PRKN: variants seen among roughly 807,000 people sequenced by gnomAD.
PRKN encodes parkin RBR E3 ubiquitin protein ligase.
In PRKN, 56 loss-of-function variants were observed where a neutral mutation model predicts 59.5. The observed-to-expected ratio is 0.94, with a 90% CI of 0.76 to 1.18. The LOEUF is 1.18. Ranked by LOEUF, PRKN falls within the 50% of genes most tolerant of loss-of-function variation. The pLI, the probability that PRKN is intolerant of heterozygous loss-of-function variation, is 0.00. For missense variants in PRKN, 657 were observed against 596.4 expected, an observed-to-expected ratio of 1.10 and a Z score of -1.06; for synonymous variants, 250 against 222.1, an observed-to-expected ratio of 1.13 and a Z score of -1.12.
intron 7 of PRKN, among the ~76,000 whole-genome samples, chr6:161,730,343 A>G (rs954684812): frequency 1.8e-4 from 27 of 149,948 alleles, no homozygotes; most frequent in Admixed American, 7.9e-4. Context: ...GAAGTGTTGC[A>G]TTCTTTCTGA....
rs529532716 is a variant in PRKN, at chr6:161,927,099, G to GA, written c.734+46202dup. Among the ~76,000 whole-genome samples the GA allele has an allele frequency of 8.7e-5, 13 of 150,186 alleles. No individual in the cohort carries two copies. In the South Asian group the frequency reaches 1.3e-3, roughly 15 times the overall value. On this transcript the variant is annotated intron_variant, in intron 6 of 11. Coordinates refer to ENST00000366898, the MANE Select transcript of PRKN (RefSeq NM_004562.3). ...GGGAGAAGATACTATACACTAAAAT[G>GA]AAAAAAAAATACACATACACATGGG...
intron 5 of PRKN, among the ~76,000 whole-genome samples, chr6:162,037,097 G>A (rs1422687277): frequency 6.6e-6 from 1 of 152,122 alleles, no homozygotes; most frequent in East Asian, 1.9e-4. Flanking sequence ...GTACCTTTTG[G>A]AACTAAGGAC....
intron 7 of PRKN, among the ~76,000 whole-genome samples, chr6:161,632,695 T>C (rs1209531469): frequency 6.6e-6 from 1 of 152,172 alleles, no homozygotes; most frequent in Admixed American, 6.5e-5. Context: ...TTATTCACAG[T>C]TCCACAGCTC....
chr6:162,414,572 A>T (rs144709461), intron 2 of PRKN, among the ~76,000 whole-genome samples: 2 of 151,054 alleles, frequency 1.3e-5, no homozygotes, highest in African/African-American at 4.9e-5. Flanking sequence ...TTAGCCGCGC[A>T]TGGTTGGTGG....
intron 7 of PRKN, among the ~76,000 whole-genome samples, chr6:161,679,828 C>T (rs991968127): frequency 7.3e-6 from 1 of 137,772 alleles, no homozygotes; most frequent in African/African-American, 2.8e-5. Flanking sequence ...GATCTCAGCT[C>T]ACTGCAAGCT....
intron 1 of PRKN, among the ~76,000 whole-genome samples, chr6:162,591,824 C>T (rs1023619322): frequency 1.3e-5 from 2 of 150,282 alleles, no homozygotes; most frequent in Non-Finnish European, 3.0e-5. Context: ...AATAATAATC[C>T]TTTGTAATAA....
rs182709541 is a variant in PRKN at position 162,721,749 on chromosome 6, A to C, written c.7+5913T>G. On this transcript the variant is annotated intron_variant, in intron 1 of 11. Transcript: ENST00000366898. ...TAGACTATGAACAAGGACCTGATGA[A>C]GGGTAGTTACTAAAATGTTGGCTGA... Among the ~76,000 whole-genome samples, 179 of 152,276 alleles carry C rather than the reference A, an allele frequency of 1.2e-3. 1 individual carries two copies. The highest frequency in any genetic ancestry group is 4.1e-3 in the African/African-American group (170 of 41,548).
intron 6 of PRKN, among the ~76,000 whole-genome samples, chr6:161,819,743 G>A (rs1791940910): frequency 6.6e-6 from 1 of 152,022 alleles, no homozygotes. Context: ...AGAGATTAAG[G>A]CACATCACAT....
At chr6:162,529,375 A>G (rs543387841) in intron 1 of PRKN, among the ~76,000 whole-genome samples, 1 of 152,040 alleles carries the variant, frequency 6.6e-6, no homozygotes, top group African/African-American at 2.4e-5. Context: ...TCTCCTCCAC[A>G]CTCTCCAAAT....
chr6:162,229,069 G>A (rs549652761), intron 3 of PRKN, among the ~76,000 whole-genome samples: 2 of 152,252 alleles, frequency 1.3e-5, no homozygotes, highest in South Asian at 2.1e-4. Flanking sequence ...TATGGCTTAC[G>A]TATCTACCCT....
intron 4 of PRKN, among the ~76,000 whole-genome samples, chr6:162,134,400 G>C (rs1009276392): frequency 3.3e-5 from 5 of 152,102 alleles, no homozygotes; most frequent in Non-Finnish European, 5.9e-5. Flanking sequence ...TGTTTATTTG[G>C]TTGTTTGCTT....
At chr6:162,162,184 G>A (rs1782787857) in intron 4 of PRKN, among the ~76,000 whole-genome samples, 2 of 152,136 alleles carry the variant, frequency 1.3e-5, no homozygotes, top group Admixed American at 1.3e-4. Flanking sequence ...CCAGGTTCAA[G>A]CAATTCTCCC....
At chr6:161,751,858 G>T (rs1398781590) in intron 7 of PRKN, among the ~76,000 whole-genome samples, 3 of 152,336 alleles carry the variant, frequency 2.0e-5, no homozygotes, top group South Asian at 2.1e-4. Context: ...TGAAGGATGA[G>T]AAGGAGCTAT....
chr6:161,500,309 C>T (rs1777913320), intron 9 of PRKN, among the ~76,000 whole-genome samples: 1 of 152,098 alleles, frequency 6.6e-6, no homozygotes, highest in African/African-American at 2.4e-5. Context: ...TACATTGACA[C>T]ATCATCACCC....
At position 161,543,513 on chromosome 6, in the gene PRKN, C is replaced by T. The variant is rs115826775; in HGVS notation, c.1083+5341G>A. Among the ~76,000 whole-genome samples, 1,399 of 152,244 alleles carry T rather than the reference C, an allele frequency of 9.2e-3. 25 individuals are homozygous for T. Among genetic ancestry groups the T allele is most frequent in the African/African-American group, 0.032 (1,336 of 41,526 alleles). On this transcript the variant is annotated intron_variant, in intron 9 of 11. Transcript: ENST00000366898. ...ATTAGTTCCCTGACAAACCTGCCTC[C>T]GAGCGACACAGCATGGTGTTTGTTT... is the stretch of plus-strand genomic sequence containing the variant.
chr6:161,552,795 T>TG lies in PRKN; in HGVS notation c.934-3793_934-3792insC, dbSNP rs1780085587. ...ACCATGGTTTTGTTGTTGTTTTTGT[T>TG]TTTTGTTTTTTTTTTTTAGACGGAG... On this transcript the variant is annotated intron_variant, in intron 8 of 11. Coordinates refer to ENST00000366898, the MANE Select transcript of PRKN (RefSeq NM_004562.3). This position sits in a 1 kb window ranked among gnomAD's most constrained non-coding sequence, Gnocchi z 4.9. Among the ~76,000 whole-genome samples, 1 of 149,484 alleles carries TG rather than the reference T, an allele frequency of 6.7e-6. No individual in the cohort carries two copies. Among genetic ancestry groups the TG allele is most frequent in the African/African-American group, 2.4e-5 (1 of 40,948 alleles).
intron 7 of PRKN, among the ~76,000 whole-genome samples, chr6:161,731,362 CT>C (rs375524650): frequency 3.1e-4 from 47 of 152,350 alleles, no homozygotes; most frequent in African/African-American, 1.1e-3. Flanking sequence ...TTTCCTGCTA[CT>C]CTGAACTCTC....
At chr6:162,621,953 T>TA (rs1782686200) in intron 1 of PRKN, among the ~76,000 whole-genome samples, 1 of 152,180 alleles carries the variant, frequency 6.6e-6, no homozygotes, top group East Asian at 1.9e-4. Context: ...GAGCTGGGAC[T>TA]ACAGGTATAT....
chr6:161,889,303 T>C (rs1372136631), intron 6 of PRKN, among the ~76,000 whole-genome samples: 1 of 152,074 alleles, frequency 6.6e-6, no homozygotes, highest in Non-Finnish European at 1.5e-5. Flanking sequence ...ACAAACACTG[T>C]ATATGAATGT....
Sources: allele counts gnomAD v4.1 joint callset (sites outside exome capture counted in the v4.1 genomes callset), GRCh38; gene constraint gnomAD v4.1.1; non-coding constraint Gnocchi (gnomAD v3.1); transcripts MANE v1.5; gene names NCBI Gene and HGNC (gene_info 2026-07-23, HGNC 2026-07-21).